The following TTC7B variants were observed in gnomAD, a reference collection of about 807,000 sequenced individuals.
The protein encoded by TTC7B is tetratricopeptide repeat protein 7B.
A neutral mutation model predicts 106.8 loss-of-function variants in TTC7B; 28 were observed. That is an observed-to-expected ratio of 0.26 (90% CI 0.19 to 0.36). TTC7B has a LOEUF of 0.36. Ranked by LOEUF, TTC7B falls within the 10% of genes least tolerant of loss-of-function variation. The pLI is 1.00. For missense variants in TTC7B, 862 were observed against 1,076.4 expected (o/e 0.80, Z 2.79); for synonymous variants, 405 against 430.6 (o/e 0.94, Z 0.74).
intron 1 of TTC7B, among the ~76,000 whole-genome samples, chr14:90,796,505 T>TC (rs576239679): frequency 7.9e-5 from 12 of 151,952 alleles, no homozygotes; most frequent in African/African-American, 1.2e-4. Context: ...GCCTCCTTGA[T>TC]CCCCCCCACC....
At chr14:90,593,678 C>G (rs772192624) in intron 17 of TTC7B, 52 bp from the exon 18 acceptor site, 17 of 1,497,436 alleles carry the variant, frequency 1.1e-5, no homozygotes, top group Non-Finnish European at 1.5e-5. Flanking sequence ...ACAGACCCAA[C>G]CAATCAACCC....
rs1370746826 is a variant in TTC7B, at chr14:90,536,445, C to T, written c.*4923G>A. ...CAGCCAGCTGCCTCCCCCTCAGAGGCTCCACAGGCATTTTGTATTCAACCT... is the reference window on the plus strand; with the variant it reads ...CAGCCAGCTGCCTCCCCCTCAGAGGTTCCACAGGCATTTTGTATTCAACCT... On this transcript the variant is annotated 3_prime_UTR_variant, in exon 20 of 20. Coordinates refer to ENST00000328459, the MANE Select transcript of TTC7B (RefSeq NM_001010854.2). 1 of 152,514 alleles carries T rather than the reference C, an allele frequency of 6.6e-6. No homozygotes were observed. The highest frequency in any genetic ancestry group is 1.5e-5 in the Non-Finnish European group (1 of 68,170). 9.4% of individuals were successfully genotyped at this position (152,514 alleles called of 1,614,324 possible).
Position 90,786,374 on chromosome 14 carries a change from C to A in TTC7B, c.122-46G>T, listed in dbSNP as rs1210121019. The A allele has an allele frequency of 2.5e-6, 4 of 1,603,910 alleles. No individual in the cohort carries two copies. The African/African-American group carries it at 4.0e-5, about 16-fold the overall frequency. On this transcript the variant is annotated intron_variant, in intron 1 of 19. Transcript: ENST00000328459. ...CAAAGTGGGAGCAAGGAATGGCCTG[C>A]ATGTAGGACCCCCTCACTCAAGGGA...
intron 19 of TTC7B, among the ~76,000 whole-genome samples, chr14:90,555,014 C>G (rs908278327): frequency 1.3e-5 from 2 of 152,172 alleles, no homozygotes; most frequent in African/African-American, 4.8e-5. Flanking sequence ...CACTCCAGGT[C>G]AGGAGAAGGA....
intron 16 of TTC7B, among the ~76,000 whole-genome samples, chr14:90,617,123 C>T (rs1195379501): frequency 6.6e-6 from 1 of 152,202 alleles, no homozygotes; most frequent in Non-Finnish European, 1.5e-5. Flanking sequence ...CTCTAAAGGG[C>T]AGGCACCGTT....
At chr14:90,620,181 G>A (rs146327783) in intron 15 of TTC7B, among the ~76,000 whole-genome samples, 9 of 152,160 alleles carry the variant, frequency 5.9e-5, no homozygotes, top group Admixed American at 2.0e-4. Flanking sequence ...ATGATGGGAC[G>A]AGGGCCAGGT....
chr14:90,802,299 T>C lies in TTC7B; in HGVS notation c.121+13876A>G, dbSNP rs1019201547. ...CAGCGATGGGGGTTCAGGGAGCCTT[T>C]AGCAGGGAAGTCTAGGGTGCCTGTG... On this transcript the variant is annotated intron_variant, in intron 1 of 19. Transcript: ENST00000328459. This position sits in a 1 kb window ranked among gnomAD's most constrained non-coding sequence, Gnocchi z 4.7. 1.3e-5 allele frequency among the ~76,000 whole-genome samples: 2 copies of C among 152,066 alleles called. No homozygotes were observed. The highest frequency in any genetic ancestry group is 4.8e-5 in the African/African-American group (2 of 41,412).
chr14:90,693,611 G>C (rs977165813), intron 6 of TTC7B, among the ~76,000 whole-genome samples: 1 of 152,102 alleles, frequency 6.6e-6, no homozygotes, highest in African/African-American at 2.4e-5. Context: ...CACAGGAAAG[G>C]ATGCTCAAAA....
chr14:90,533,149 C>T lies in TTC7B; in HGVS notation c.*8219G>A, dbSNP rs1015222278. 25 of 152,398 alleles carry T rather than the reference C, an allele frequency of 1.6e-4. No individual in the cohort carries two copies. The highest frequency in any genetic ancestry group is 5.3e-4 in the African/African-American group (22 of 41,456). 9.4% of individuals were successfully genotyped at this position (152,398 alleles called of 1,614,324 possible). A position where few individuals can be genotyped will look rare whatever the true frequency, so the allele number is the denominator to read the frequency against. On this transcript the variant is annotated 3_prime_UTR_variant, in exon 20 of 20. Coordinates refer to ENST00000328459, the MANE Select transcript of TTC7B (RefSeq NM_001010854.2). Reference sequence around the variant, plus strand: ...GCTCCAGCCCAGCAGGCCCACAACCCGAGCCCTTGGGCCACAGGCACCGCC... The same window carrying T: ...GCTCCAGCCCAGCAGGCCCACAACCTGAGCCCTTGGGCCACAGGCACCGCC...
chr14:90,603,314 C>T, intron 17 of TTC7B: 1 of 1,282,638 alleles, frequency 7.8e-7, no homozygotes, highest in Non-Finnish European at 1.0e-6. Context: ...CTTGGAACAA[C>T]AGATCAAACC....
At chr14:90,770,329 G>A (rs1212161573) in intron 3 of TTC7B, among the ~76,000 whole-genome samples, 2 of 152,156 alleles carry the variant, frequency 1.3e-5, no homozygotes, top group Non-Finnish European at 2.9e-5. Flanking sequence ...TATAATAGTA[G>A]TTGGAAACTT....
chr14:90,556,849 C>T (rs1204010560), intron 19 of TTC7B, among the ~76,000 whole-genome samples: 1 of 152,176 alleles, frequency 6.6e-6, no homozygotes, highest in African/African-American at 2.4e-5. Context: ...GGTCCTGGGA[C>T]CACTGCCTCC....
At chr14:90,799,820 T>C (rs2030136554) in intron 1 of TTC7B, among the ~76,000 whole-genome samples, 1 of 151,990 alleles carries the variant, frequency 6.6e-6, no homozygotes, top group South Asian at 2.1e-4. Context: ...AATGCTCTGA[T>C]TTAAGTTTTT....
chr14:90,573,587 C>T (rs1033555848), intron 19 of TTC7B, among the ~76,000 whole-genome samples: 4 of 136,118 alleles, frequency 2.9e-5, no homozygotes, highest in East Asian at 2.6e-4. Flanking sequence ...GGTCCCTCTC[C>T]GGCTCACGGT....
At chr14:90,641,754 GA>G (rs1290622548) in intron 15 of TTC7B, among the ~76,000 whole-genome samples, 1 of 152,110 alleles carries the variant, frequency 6.6e-6, no homozygotes, top group African/African-American at 2.4e-5. Flanking sequence ...TCCACTACTT[GA>G]AAAGGCTGTC....
chr14:90,580,381 T>G (rs1891438221), intron 18 of TTC7B, among the ~76,000 whole-genome samples: 1 of 152,194 alleles, frequency 6.6e-6, no homozygotes, highest in Non-Finnish European at 1.5e-5. Flanking sequence ...GAAACTGAGG[T>G]GCAGAAAGCG....
intron 7 of TTC7B, among the ~76,000 whole-genome samples, chr14:90,688,483 C>T (rs541076766): frequency 1.3e-5 from 2 of 152,040 alleles, no homozygotes; most frequent in East Asian, 1.9e-4. Flanking sequence ...ATTAGCCAGG[C>T]ATGGTGGCAC....
intron 1 of TTC7B, among the ~76,000 whole-genome samples, chr14:90,789,462 C>G (rs896233919): frequency 3.3e-5 from 5 of 152,054 alleles, no homozygotes; most frequent in African/African-American, 1.2e-4. Context: ...GTGGCTCATG[C>G]CTATAATCTC....
rs1328387852 is a variant in TTC7B, at chr14:90,719,095, T to TACAA, written c.698+10976_698+10979dup. On this transcript the variant is annotated intron_variant, in intron 5 of 19. Transcript: ENST00000328459. ...GGGCAATGTGGTGAAACCCCGTCGCTACAAACAAACAAACAAACAAAAAAA... is the reference window on the plus strand; with the variant it reads ...GGGCAATGTGGTGAAACCCCGTCGCTACAAACAAACAAACAAACAAACAAAAAAA... 3.3e-5 allele frequency among the ~76,000 whole-genome samples: 5 copies of TACAA among 151,882 alleles called. No homozygotes were observed. The South Asian group carries it at 8.3e-4, about 25-fold the overall frequency.
Sources: gnomAD v4.1 joint callset for allele counts (sites outside exome capture counted in the v4.1 genomes callset) on GRCh38, gnomAD v4.1.1 for gene constraint, Gnocchi (gnomAD v3.1) non-coding constraint, MANE v1.5 for transcripts, NCBI Gene and HGNC (gene_info 2026-07-23, HGNC 2026-07-21) for gene names.